Variants in FANCD2 observed in about 807,000 individuals in gnomAD.
FANCD2 encodes FA complementation group D2.
Under a neutral mutation model 192.3 loss-of-function variants are expected in FANCD2, and 131 were observed. The ratio of observed to expected loss-of-function variants is 0.68; its 90% confidence interval spans 0.59 to 0.79. The LOEUF is 0.79. FANCD2 is among the 30% of genes least tolerant of loss of function. FANCD2 has a pLI of 0.00. For synonymous variants in FANCD2, 524 were observed against 612.5 expected (o/e 0.86, Z 2.13); for missense variants, 1,508 against 1,701.6 (o/e 0.89, Z 2.00).
intron 33 of FANCD2, 103 bp from the exon 34 acceptor site, chr3:10,087,031 C>A: frequency 1.6e-6 from 2 of 1,230,696 alleles, no homozygotes; most frequent in Non-Finnish European, 1.2e-6. Context: ...TCTGATTAGG[C>A]CGTCAAACAC....
intron 19 of FANCD2, among the ~76,000 whole-genome samples, chr3:10,061,287 T>C (rs2087560234): frequency 6.6e-6 from 1 of 152,204 alleles, no homozygotes; most frequent in Non-Finnish European, 1.5e-5. Context: ...CTCTAAGAAA[T>C]CTGCCTTTCT....
At chr3:10,072,317 C>T (rs1275595348) in intron 26 of FANCD2, among the ~76,000 whole-genome samples, 11 of 144,884 alleles carry the variant, frequency 7.6e-5, no homozygotes, top group South Asian at 2.2e-4. Flanking sequence ...CTTGCTTTGT[C>T]GCCCAGGCTG....
At chr3:10,027,899 C>G (rs1231451695) in intron 1 of FANCD2, among the ~76,000 whole-genome samples, 2 of 104,786 alleles carry the variant, frequency 1.9e-5, no homozygotes, top group African/African-American at 1.0e-4. Context: ...AGTGAGACTC[C>G]GTCTCAAAAA....
intron 18 of FANCD2, among the ~76,000 whole-genome samples, chr3:10,053,433 C>T (rs1420891346): frequency 6.6e-6 from 1 of 151,424 alleles, no homozygotes; most frequent in African/African-American, 2.4e-5. Context: ...TGCTAGATGA[C>T]GAGTTAGTGG....
intron 43 of FANCD2, among the ~76,000 whole-genome samples, chr3:10,100,301 C>G (rs1695224793): frequency 6.6e-6 from 1 of 152,246 alleles, no homozygotes; most frequent in Non-Finnish European, 1.5e-5. Context: ...TTCCCCTAAG[C>G]AGATCTCTCA....
chr3:10,053,986 G>A lies in FANCD2; in HGVS notation c.1656+1489G>A, dbSNP rs539997783. Among the ~76,000 whole-genome samples, 13 of 152,164 alleles carry A rather than the reference G, an allele frequency of 8.5e-5. 1 individual carries two copies. The highest frequency in any genetic ancestry group is 4.1e-4 in the South Asian group (2 of 4,824). Reference sequence around the variant, plus strand: ...AGCACTTTGGGAGGCCAAGGCAGGCGAATCACATGTGCCCTGGAGTTTGAG... The same window carrying A: ...AGCACTTTGGGAGGCCAAGGCAGGCAAATCACATGTGCCCTGGAGTTTGAG... On this transcript the variant is annotated intron_variant, in intron 18 of 43. Coordinates refer to ENST00000675286, the MANE Select transcript of FANCD2 (RefSeq NM_001018115.3).
intron 17 of FANCD2, among the ~76,000 whole-genome samples, chr3:10,049,996 G>T (rs984824464): frequency 4.6e-5 from 7 of 152,204 alleles, no homozygotes; most frequent in African/African-American, 1.7e-4. Context: ...AGCATGACTG[G>T]AGAATAGGAT....
intron 30 of FANCD2, among the ~76,000 whole-genome samples, chr3:10,079,154 G>T (rs1468910068): frequency 6.6e-6 from 1 of 151,770 alleles, no homozygotes; most frequent in Non-Finnish European, 1.5e-5. Flanking sequence ...TGAGGCAGAA[G>T]ACTTGATTGA....
intron 28 of FANCD2, among the ~76,000 whole-genome samples, chr3:10,073,589 G>A (rs75494031): frequency 0.012 from 1,481 of 122,562 alleles, no homozygotes; most frequent in East Asian, 0.023. Flanking sequence ...TTTCTTGACT[G>A]TTTTACTCCC....
At chr3:10,032,480 G>T (rs540159894) in intron 2 of FANCD2, 12 of 283,408 alleles carry the variant, frequency 4.2e-5, no homozygotes, top group East Asian at 1.1e-4. Context: ...GGGGGTGAAG[G>T]GGGGGAGATG....
At chr3:10,046,451 G>T in intron 14 of FANCD2, 129 bp from the exon 15 acceptor site, 1 of 1,450,562 alleles carries the variant, frequency 6.9e-7, no homozygotes, top group Non-Finnish European at 9.4e-7. Context: ...GATACTCCCA[G>T]GGGAGTGTGT....
rs1408692795 is a variant in FANCD2, at chr3:10,040,177, G to A, written c.695+332G>A. On this transcript the variant is annotated intron_variant, in intron 9 of 43. Coordinates refer to ENST00000675286, the MANE Select transcript of FANCD2 (RefSeq NM_001018115.3). The stretch of plus-strand genomic sequence containing the variant: ...AGCCTCCCAAGTAGCTGGGACTAGA[G>A]GCACCTGCTACCATGCCCGACTAAT... 8.0e-6 allele frequency: 3 copies of A among 376,794 alleles called. No homozygotes were observed. In the East Asian group the frequency reaches 1.6e-4, roughly 20 times the overall value. 23.3% of individuals were successfully genotyped at this position (376,794 alleles called of 1,614,324 possible). A position where few individuals can be genotyped will look rare whatever the true frequency, so the allele number is the denominator to read the frequency against.
rs1296149765 is a variant in FANCD2 at position 10,039,607 on chromosome 3, A to G, written c.571-114A>G. On this transcript the variant is annotated intron_variant, in intron 8 of 43. Transcript: ENST00000675286. ...GGGAAGATTCTTTTTCAAAGTACAG[A>G]GATAAATGACTGTGTTTATTTCTCA... 7.6e-6 allele frequency: 9 copies of G among 1,188,256 alleles called. No homozygotes were observed. In the African/African-American group the frequency reaches 1.1e-4, roughly 14 times the overall value. The allele number at this position is 1,188,256 out of a possible 1,614,324, so 73.6% of individuals were successfully genotyped here.
At chr3:10,062,679 A>G (rs2087603705) in intron 20 of FANCD2, among the ~76,000 whole-genome samples, 1 of 152,148 alleles carries the variant, frequency 6.6e-6, no homozygotes, top group South Asian at 2.1e-4. Context: ...TGACACTTGG[A>G]AACTACTGGC....
At chr3:10,063,134 G>C (rs2087616377) in intron 20 of FANCD2, among the ~76,000 whole-genome samples, 1 of 152,176 alleles carries the variant, frequency 6.6e-6, no homozygotes, top group Non-Finnish European at 1.5e-5. Flanking sequence ...ATTGGAAAGT[G>C]GGACATAAAG....
At chr3:10,100,056 C>T (rs917613494) in intron 43 of FANCD2, among the ~76,000 whole-genome samples, 1 of 151,984 alleles carries the variant, frequency 6.6e-6, no homozygotes, top group Non-Finnish European at 1.5e-5. Flanking sequence ...GGCATGGTGA[C>T]GCATGCCTGT....
At chr3:10,068,406 G>A (rs1354402975) in intron 26 of FANCD2, among the ~76,000 whole-genome samples, 1 of 151,568 alleles carries the variant, frequency 6.6e-6, no homozygotes, top group East Asian at 1.9e-4. Context: ...ATAAACAAAA[G>A]TTACAAATAA....
At position 10,070,603 on chromosome 3, in the gene FANCD2, C is replaced by T. The variant is rs1473348880; in HGVS notation, c.2495-2268C>T. On this transcript the variant is annotated intron_variant, in intron 26 of 43. Coordinates refer to ENST00000675286, the MANE Select transcript of FANCD2 (RefSeq NM_001018115.3). ...CTGGGAAGTGAGGAGCCCCTCTGCC[C>T]GGCCACCACCCCGTCTGGGAGGTGT... 7.0e-3 allele frequency among the ~76,000 whole-genome samples: 1,022 copies of T among 145,186 alleles called. 9 individuals carry two copies. The highest frequency in any genetic ancestry group is 0.024 in the African/African-American group (949 of 39,056).
intron 32 of FANCD2, among the ~76,000 whole-genome samples, chr3:10,082,058 A>T (rs1693873713): frequency 6.6e-6 from 1 of 152,218 alleles, no homozygotes; most frequent in Non-Finnish European, 1.5e-5. Context: ...TTTATATCCA[A>T]CTGCCTACGC....
Sources: gnomAD v4.1 joint callset for allele counts (sites outside exome capture counted in the v4.1 genomes callset) on GRCh38, gnomAD v4.1.1 for gene constraint, MANE v1.5 for transcripts, NCBI Gene and HGNC (gene_info 2026-07-23, HGNC 2026-07-21) for gene names.